The following CHD1 variants were observed in gnomAD, a reference collection of about 807,000 sequenced individuals.
CHD1 encodes the protein ATP-dependent chromatin remodeler CHD1.
In CHD1, 36 loss-of-function variants were observed where a neutral mutation model predicts 224.2. The ratio of observed to expected loss-of-function variants is 0.16; its 90% CI spans 0.12 to 0.21. CHD1 has a LOEUF of 0.21. Among genes scored for constraint, CHD1 ranks in the 10% least tolerant of loss-of-function variants. The probability of loss-of-function intolerance (pLI) is 1.00; values close to 1 mark genes in which losing one functional copy is unlikely to be tolerated. For missense variants in CHD1, 1,378 were observed against 1,994.8 expected (o/e 0.69, Z 5.89); for synonymous variants, 668 against 658.3 (o/e 1.01, Z -0.23).
Position 98,905,524 on chromosome 5 carries a change from T to TA in CHD1, c.54-427dup, listed in dbSNP as rs11317778. Among the ~76,000 whole-genome samples, 9 of 152,096 alleles carry TA rather than the reference T, an allele frequency of 5.9e-5. No individual in the cohort carries two copies. The East Asian group carries it at 1.2e-3, about 20-fold the overall frequency. ...TGTGTGAAGAAAAGATTAAATGTGTTAAAAAAAATTCTTACAGTAACAGGC... is the reference window on the plus strand; with the variant it reads ...TGTGTGAAGAAAAGATTAAATGTGTTAAAAAAAAATTCTTACAGTAACAGGC... On this transcript the variant is annotated intron_variant, in intron 2 of 35. Transcript: ENST00000614616.
intron 6 of CHD1, 27 bp from the exon 7 acceptor site, chr5:98,901,109 A>C (rs768339821): frequency 1.3e-5 from 20 of 1,566,292 alleles, no homozygotes; most frequent in East Asian, 6.7e-5. Context: ...AGAAAAAAAA[A>C]CAAGATTTGA....
intron 5 of CHD1, among the ~76,000 whole-genome samples, chr5:98,902,265 C>G (rs979157127): frequency 5.3e-5 from 8 of 151,846 alleles, no homozygotes; most frequent in Non-Finnish European, 8.8e-5. Context: ...ATAGAACAGA[C>G]TAATAAAAGA....
chr5:98,854,819 C>T lies in CHD1; in HGVS notation c.*1561G>A, dbSNP rs988378018. ...AGCAATACTATAGAAATTATGTCCA[C>T]ATACTTATATTCGTCAAAGATTCAA... On this transcript the variant is annotated 3_prime_UTR_variant, in exon 36 of 36. Coordinates refer to ENST00000614616, the MANE Select transcript of CHD1 (RefSeq NM_001270.4). The T allele has an allele frequency of 6.6e-6, 1 of 152,184 alleles. No homozygotes were observed. Among genetic ancestry groups the T allele is most frequent in the Non-Finnish European group, 1.5e-5 (1 of 68,002 alleles). The allele number at this position is 152,184 out of a possible 1,614,324, so 9.4% of individuals were successfully genotyped here.
At chr5:98,905,737 AAATTCTC>A (rs1381675466) in intron 2 of CHD1, among the ~76,000 whole-genome samples, 2 of 152,208 alleles carry the variant, frequency 1.3e-5, no homozygotes, top group East Asian at 3.8e-4. Context: ...CTGAAATAGC[AAATTCTC>A]ATATTTCCTA....
At position 98,926,460 on chromosome 5, in the gene CHD1, C is replaced by G; in HGVS notation, c.-74G>C. 1.5e-6 allele frequency: 1 copy of G among 685,960 alleles called. No individual in the cohort carries two copies. Among genetic ancestry groups the G allele is most frequent in the Non-Finnish European group, 2.3e-6 (1 of 443,198 alleles). The allele number at this position is 685,960 out of a possible 1,614,324, so 42.5% of individuals were successfully genotyped here. A position where few individuals can be genotyped will look rare whatever the true frequency, so the allele number is the denominator to read the frequency against. On this transcript the variant is annotated 5_prime_UTR_variant, in exon 2 of 36. Coordinates refer to ENST00000614616, the MANE Select transcript of CHD1 (RefSeq NM_001270.4). ...TTTAAAAGATGAATATAAATACTGACTCCTTGAATATAAAAATTCACAGAT... is the reference window on the plus strand; with the variant it reads ...TTTAAAAGATGAATATAAATACTGAGTCCTTGAATATAAAAATTCACAGAT...
Position 98,868,573 on chromosome 5 carries a change from T to A in CHD1, c.4170A>T (p.Pro1390=), listed in dbSNP as rs777888844. 3 of 1,611,648 alleles carry A rather than the reference T, an allele frequency of 1.9e-6. No individual in the cohort carries two copies. The East Asian group carries it at 6.7e-5, about 36-fold the overall frequency. ...GTTCACCACTTGCCGTGATATGAAC[T>A]GGAGCATCTGACACTGAAGATTTCT... ...RSKKSSVSDA[P]VHITASGEPV... is the part of the protein sequence containing the mutation. Residue 1390 remains proline (P), a synonymous_variant, in exon 31 of 36, where the codon CCA becomes CCT. Coordinates refer to ENST00000614616, the MANE Select transcript of CHD1 (RefSeq NM_001270.4).
chr5:98,901,942 A>AT (rs1316374051), intron 5 of CHD1, among the ~76,000 whole-genome samples: 1 of 152,086 alleles, frequency 6.6e-6, no homozygotes, highest in African/African-American at 2.4e-5. Flanking sequence ...CAAATACACT[A>AT]TATCCTATTT....
chr5:98,910,774 A>C (rs771377933), intron 2 of CHD1, among the ~76,000 whole-genome samples: 5 of 152,066 alleles, frequency 3.3e-5, no homozygotes, highest in Non-Finnish European at 7.4e-5. Flanking sequence ...TGGACATATT[A>C]TTCTTTGTGA....
chr5:98,911,607 G>A (rs1580504210), intron 2 of CHD1, among the ~76,000 whole-genome samples: 1 of 152,104 alleles, frequency 6.6e-6, no homozygotes, highest in Admixed American at 6.6e-5. Context: ...ATTGAATGTA[G>A]CATCACTAAT....
At chr5:98,921,723 C>G (rs1400082209) in intron 2 of CHD1, among the ~76,000 whole-genome samples, 2 of 152,170 alleles carry the variant, frequency 1.3e-5, no homozygotes, top group Non-Finnish European at 2.9e-5. Context: ...GGGGTAACAT[C>G]ACATTAATGT....
intron 30 of CHD1, chr5:98,869,030 T>G: frequency 1.2e-6 from 1 of 856,070 alleles, no homozygotes; most frequent in South Asian, 5.4e-5. Context: ...TTCCTTTATG[T>G]CTTTTTCTTT....
At position 98,855,013 on chromosome 5, in the gene CHD1, T is replaced by G. The variant is rs1467741127; in HGVS notation, c.*1367A>C. 1 of 152,166 alleles carries G rather than the reference T, an allele frequency of 6.6e-6. No homozygotes were observed. The highest frequency in any genetic ancestry group is 2.4e-5 in the African/African-American group (1 of 41,430). 9.4% of individuals were successfully genotyped at this position (152,166 alleles called of 1,614,324 possible). A position where few individuals can be genotyped will look rare whatever the true frequency, so the allele number is the denominator to read the frequency against. ...AAAATGTCTATGACCTAAGTTTTAC[T>G]TCATAGGAATATTCATAGTCTCCAA... On this transcript the variant is annotated 3_prime_UTR_variant, in exon 36 of 36. Coordinates refer to ENST00000614616, the MANE Select transcript of CHD1 (RefSeq NM_001270.4).
At chr5:98,856,957 C>T (rs927996233) in intron 35 of CHD1, among the ~76,000 whole-genome samples, 31 of 152,052 alleles carry the variant, frequency 2.0e-4, no homozygotes, top group Non-Finnish European at 2.1e-4. Context: ...CCTAAAATAG[C>T]ATCTAATTTC....
intron 23 of CHD1, among the ~76,000 whole-genome samples, chr5:98,878,994 G>A (rs1233021623): frequency 1.3e-5 from 2 of 152,168 alleles, no homozygotes; most frequent in Non-Finnish European, 2.9e-5. Flanking sequence ...CATTTTGGTA[G>A]GCCAAGGCAG....
intron 2 of CHD1, among the ~76,000 whole-genome samples, chr5:98,911,666 T>C (rs1046065664): frequency 6.6e-6 from 1 of 152,176 alleles, no homozygotes; most frequent in Non-Finnish European, 1.5e-5. Context: ...CTTTAGAAGA[T>C]ATATCATTAC....
At chr5:98,867,476 G>T (rs1045757985) in intron 31 of CHD1, among the ~76,000 whole-genome samples, 5 of 151,622 alleles carry the variant, frequency 3.3e-5, no homozygotes, top group Non-Finnish European at 2.9e-5. Flanking sequence ...CATTCTTCTT[G>T]TATTTTTTAA....
intron 19 of CHD1, among the ~76,000 whole-genome samples, chr5:98,882,639 G>T (rs1225332581): frequency 6.6e-6 from 1 of 151,902 alleles, no homozygotes; most frequent in Admixed American, 6.6e-5. Context: ...TATTTCTCTA[G>T]GTAAAGGTTC....
At position 98,856,583 on chromosome 5, in the gene CHD1, G is replaced by T. The variant is rs146540815; in HGVS notation, c.4930C>A (p.Arg1644=). The T allele has an allele frequency of 1.2e-6, 2 of 1,613,502 alleles. No homozygotes were observed. Among genetic ancestry groups the T allele is most frequent in the Non-Finnish European group, 1.7e-6 (2 of 1,179,680 alleles). The part of the protein sequence containing the change: ...HSDHRLHSDH[R]SSSEYTHHKS... ...TGGTGCGTATATTCAGAACTTGACCGGTGGTCTGAATGTAACCGATGATCT... is the reference window on the plus strand; with the variant it reads ...TGGTGCGTATATTCAGAACTTGACCTGTGGTCTGAATGTAACCGATGATCT... The change falls in exon 36 of 36, where the codon CGG becomes AGG. Residue 1644 remains arginine (R), a synonymous_variant. Transcript: ENST00000614616.
rs1449435423 is a variant in CHD1, at chr5:98,888,170, T to C, written c.2414A>G (p.Asn805Ser). 1.2e-6 allele frequency: 2 copies of C among 1,610,820 alleles called. No homozygotes were observed. The highest frequency in any genetic ancestry group is 1.1e-5 in the South Asian group (1 of 90,754). Residue 805 changes from asparagine to serine, a missense_variant, in exon 17 of 36, where the codon AAT (asparagine) becomes AGT (serine). Physicochemically the swap from Asn to Ser is conservative, Grantham distance 46. Coordinates refer to ENST00000614616, the MANE Select transcript of CHD1 (RefSeq NM_001270.4). ...KLLIRLRERGNRVLIFSQMVR... is the reference protein window; with the variant it reads ...KLLIRLRERGSRVLIFSQMVR... ...CATTTGTGAAAAAATAAGAACTCGA[T>C]TGCCTCGTTCTCTTAGGCGAATTAA...
Sources: gnomAD v4.1 joint callset for allele counts (sites outside exome capture counted in the v4.1 genomes callset) on GRCh38, gnomAD v4.1.1 for gene constraint, MANE v1.5 for transcripts, NCBI Gene and HGNC (gene_info 2026-07-23, HGNC 2026-07-21) for gene names.